GREB1: variants seen among roughly 807,000 people sequenced by gnomAD.
GREB1 encodes protein GREB1.
A neutral mutation model predicts 200.7 loss-of-function variants in GREB1; 106 were observed. The ratio of observed to expected loss-of-function variants is 0.53; its 90% CI spans 0.45 to 0.62. GREB1 has a LOEUF of 0.62. Among genes scored for constraint, GREB1 ranks in the 20% least tolerant of loss-of-function variants. GREB1 has a pLI of 0.00. For synonymous variants in GREB1, 1,132 were observed against 1,092.4 expected (o/e 1.04, Z -0.72); for missense variants, 2,243 against 2,556.8 (o/e 0.88, Z 2.65).
At chr2:11,538,615 TTCTTTCTTTCTTTC>T (rs1674413406) in intron 1 of GREB1, among the ~76,000 whole-genome samples, 1 of 5,260 alleles carries the variant, frequency 1.9e-4, no homozygotes, top group African/African-American at 4.3e-4. Flanking sequence ...TTGTGTTTCT[TTCTTTCTTTCTTTC>T]TTTCTTTCTT....
Position 11,566,518 on chromosome 2 carries a change from A to G in GREB1, c.316A>G (p.Ile106Val). Residue 106 changes from isoleucine (I) to valine (V), a missense_variant, in exon 4 of 33, where the codon ATT becomes GTT. Physicochemically the swap from Ile to Val is conservative, Grantham distance 29. Transcript: ENST00000381486. ...CGGGAAGGACCTGCGCCTTGTCTCC[A>G]TTTCCAACGAGCCCATGGATGTCCC... ...QAGKDLRLVS[I>V]SNEPMDVPAG... The G allele has an allele frequency of 1.9e-6, 3 of 1,613,356 alleles. No individual in the cohort carries two copies. The highest frequency in any genetic ancestry group is 2.5e-6 in the Non-Finnish European group (3 of 1,179,742).
chr2:11,591,804 A>T (rs951915454), intron 10 of GREB1: 1 of 229,318 alleles, frequency 4.4e-6, no homozygotes, highest in Non-Finnish European at 8.6e-6. Context: ...CTTGCTAAGT[A>T]AACGGTGGTG....
intron 16 of GREB1, among the ~76,000 whole-genome samples, chr2:11,602,108 A>G (rs943349808): frequency 1.3e-5 from 2 of 152,248 alleles, no homozygotes; most frequent in Non-Finnish European, 2.9e-5. Flanking sequence ...AGCAAATTTA[A>G]CAAAGAAATG....
intron 29 of GREB1, 27 bp downstream of exon 29, chr2:11,634,376 C>T (rs148391941): frequency 8.9e-5 from 140 of 1,577,176 alleles, no homozygotes; most frequent in Admixed American, 6.8e-4. Context: ...GGGGCAGAGG[C>T]GGCGGCAGCC....
chr2:11,546,361 CTCTT>C (rs1402406277), intron 1 of GREB1, among the ~76,000 whole-genome samples: 1 of 152,072 alleles, frequency 6.6e-6, no homozygotes, highest in African/African-American at 2.4e-5. Context: ...CATTCATACT[CTCTT>C]TCAGTAAATA....
rs181655195 is a variant in GREB1, at chr2:11,618,333, C to T, written c.3458C>T (p.Pro1153Leu). The change falls in exon 22 of 33, where the codon CCC becomes CTC. Residue 1153 changes from proline (P) to leucine (L), a missense_variant. Physicochemically the swap from Pro to Leu is moderately conservative, Grantham distance 98. Around this residue, in one of 3 missense-constraint regions of GREB1, gnomAD observed 587 missense variants for 553.1 expected, o/e 1.06. Transcript: ENST00000381486. Reference sequence around the variant, plus strand: ...TCCTCGGCTCAGCCCACAGCACTCCCCCAGGGAGAGCATGCCAGGTCGCCC... The same window carrying T: ...TCCTCGGCTCAGCCCACAGCACTCCTCCAGGGAGAGCATGCCAGGTCGCCC... ...GESSAQPTALPQGEHARSPQP... is the reference protein window; with the variant it reads ...GESSAQPTALLQGEHARSPQP... 3.1e-4 allele frequency: 500 copies of T among 1,605,060 alleles called. No homozygotes were observed. In the African/African-American group the frequency reaches 5.9e-3, roughly 19 times the overall value.
At position 11,580,980 on chromosome 2, in the gene GREB1, C is replaced by T; in HGVS notation, c.901+148C>T. The T allele has an allele frequency of 1.0e-6, 1 of 959,330 alleles. No homozygotes were observed. The highest frequency in any genetic ancestry group is 1.7e-6 in the Non-Finnish European group (1 of 604,790). 59.4% of individuals were successfully genotyped at this position (959,330 alleles called of 1,614,324 possible). On this transcript the variant is annotated intron_variant, in intron 7 of 32. Transcript: ENST00000381486. The surrounding 1 kb of genome is among the most constrained non-coding windows in gnomAD (Gnocchi z 4.5). ...AGAGTCAGGCCAGGACCACAGGTGC[C>T]TCCTGAGTCCGTGGGTCTGGGCCCA... is the stretch of plus-strand genomic sequence containing the variant.
At chr2:11,582,088 T>G (rs1201918713) in intron 7 of GREB1, among the ~76,000 whole-genome samples, 11 of 152,166 alleles carry the variant, frequency 7.2e-5, no homozygotes, top group Admixed American at 7.2e-4. Context: ...GGCAACCCTG[T>G]GGCTGCAGAG....
chr2:11,506,947 T>A (rs1470813169), intron 1 of GREB1, among the ~76,000 whole-genome samples: 2 of 151,364 alleles, frequency 1.3e-5, no homozygotes, highest in Non-Finnish European at 3.0e-5. Flanking sequence ...GTTACATCCC[T>A]TTATATTTTG....
intron 1 of GREB1, among the ~76,000 whole-genome samples, chr2:11,482,990 C>A (rs1672542437): frequency 6.6e-6 from 1 of 151,138 alleles, no homozygotes; most frequent in East Asian, 1.9e-4. Context: ...CGGGCGGCAG[C>A]GGGCGGAGCG....
intron 1 of GREB1, among the ~76,000 whole-genome samples, chr2:11,545,807 T>G (rs1342442434): frequency 1.3e-5 from 2 of 152,122 alleles, no homozygotes; most frequent in African/African-American, 4.8e-5. Context: ...GCAAGAAAAA[T>G]CTCTGCACAG....
rs3035991 is a variant in GREB1 at position 11,605,144 on chromosome 2, C to CTTTTTTTTTT, written c.2666+2625_2666+2634dup. Reference sequence around the variant, plus strand: ...TGGAGCTGGGCACCAGAGCCTGCTTCTTTTTTTTTTTTTTTTTTTTTTTTT... The same window carrying CTTTTTTTTTT: ...TGGAGCTGGGCACCAGAGCCTGCTTCTTTTTTTTTTTTTTTTTTTTTTTTTTTTTTTTTTT... On this transcript the variant is annotated intron_variant, in intron 17 of 32. Transcript: ENST00000381486. Among the ~76,000 whole-genome samples, 129 of 44,824 alleles carry CTTTTTTTTTT rather than the reference C, an allele frequency of 2.9e-3. 31 individuals carry two copies. The highest frequency in any genetic ancestry group is 3.8e-3 in the Non-Finnish European group (79 of 20,582). 29.4% of individuals were successfully genotyped at this position (44,824 alleles called of 152,430 possible).
chr2:11,591,612 G>A (rs528838829), intron 10 of GREB1: 59 of 605,070 alleles, frequency 9.8e-5, no homozygotes, highest in African/African-American at 6.1e-4. Flanking sequence ...CACCGTTCGC[G>A]TGGTAAACTG....
chr2:11,559,017 T>G (rs1312800705), intron 2 of GREB1, among the ~76,000 whole-genome samples: 1 of 152,234 alleles, frequency 6.6e-6, no homozygotes, highest in Non-Finnish European at 1.5e-5. Context: ...TCCAGCATTT[T>G]GGGATAAGTA....
chr2:11,617,747 TGTGGCTGAGGGAGC>T (rs1683550906), intron 21 of GREB1, among the ~76,000 whole-genome samples: 1 of 152,098 alleles, frequency 6.6e-6, no homozygotes, highest in Admixed American at 6.5e-5. Flanking sequence ...TGTGCCTAGC[TGTGGCTGAGGGAGC>T]GGCTGAGAGT....
At chr2:11,612,287 G>A in intron 18 of GREB1, 1 of 1,287,844 alleles carries the variant, frequency 7.8e-7, no homozygotes. Flanking sequence ...GACATGCTCT[G>A]GCTGGCTAAT....
chr2:11,600,716 GT>G, intron 15 of GREB1, 83 bp from the exon 16 acceptor site: 1 of 1,072,720 alleles, frequency 9.3e-7, no homozygotes, highest in Non-Finnish European at 1.4e-6. Flanking sequence ...TCAGGGGTTA[GT>G]TATAAATTTA....
At chr2:11,553,327 C>A (rs571103782) in intron 1 of GREB1, among the ~76,000 whole-genome samples, 3 of 151,894 alleles carry the variant, frequency 2.0e-5, no homozygotes, top group African/African-American at 7.3e-5. Context: ...GGTGAAACCC[C>A]GTCTCTACAA....
intron 25 of GREB1, among the ~76,000 whole-genome samples, chr2:11,628,638 G>A (rs1266415101): frequency 6.6e-6 from 1 of 152,124 alleles, no homozygotes; most frequent in Non-Finnish European, 1.5e-5. Context: ...TTTCTTTTAA[G>A]GCAAACAAAA....
Sources: gnomAD v4.1 joint callset for allele counts (sites outside exome capture counted in the v4.1 genomes callset) on GRCh38, gnomAD v4.1.1 for gene constraint, gnomAD v4.1.1 regional missense constraint, Gnocchi (gnomAD v3.1) non-coding constraint, MANE v1.5 for transcripts, NCBI Gene and HGNC (gene_info 2026-07-23, HGNC 2026-07-21) for gene names.